The following SLC39A11 variants were observed in gnomAD, a reference collection of about 807,000 sequenced individuals.
SLC39A11 encodes the protein zinc transporter ZIP11.
In SLC39A11, 33 loss-of-function variants were observed where a neutral mutation model predicts 36.1. The ratio of observed to expected loss-of-function variants is 0.91; its 90% CI spans 0.69 to 1.22. The LOEUF (loss-of-function observed/expected upper bound fraction) is 1.22, where lower values mean the gene tolerates loss of function less well. SLC39A11 is among the 50% of genes most tolerant of loss of function. The pLI is 0.00. For missense variants in SLC39A11, 432 were observed against 430.3 expected (o/e 1.00, Z -0.03); for synonymous variants, 166 against 170.3 (o/e 0.97, Z 0.20).
chr17:72,662,661 G>GA (rs1419763108), intron 7 of SLC39A11, among the ~76,000 whole-genome samples: 1 of 89,816 alleles, frequency 1.1e-5, no homozygotes, highest in Non-Finnish European at 2.2e-5. Context: ...AAAAAGAAAA[G>GA]AAAAAGGAAG....
intron 6 of SLC39A11, among the ~76,000 whole-genome samples, chr17:72,757,971 C>T (rs1467104766): frequency 6.6e-6 from 1 of 152,072 alleles, no homozygotes; most frequent in East Asian, 1.9e-4. Flanking sequence ...CTGCAACCTC[C>T]ACCTCCTGGG....
chr17:72,820,272 T>A (rs936115217), intron 6 of SLC39A11, among the ~76,000 whole-genome samples: 10 of 151,218 alleles, frequency 6.6e-5, no homozygotes, highest in African/African-American at 2.4e-4. Context: ...GAAACTGTCT[T>A]CCAAATAACT....
chr17:72,834,024 C>G (rs1279386915), intron 6 of SLC39A11, among the ~76,000 whole-genome samples: 2 of 152,218 alleles, frequency 1.3e-5, no homozygotes, highest in Non-Finnish European at 2.9e-5. Flanking sequence ...CTCTCTTACA[C>G]TGTCTTCCAG....
chr17:73,081,603 A>C (rs2060510054), intron 3 of SLC39A11, among the ~76,000 whole-genome samples: 1 of 146,078 alleles, frequency 6.8e-6, no homozygotes, highest in African/African-American at 2.5e-5. Flanking sequence ...GTGGATAAAG[A>C]AAATGTGATA....
chr17:73,001,807 G>A (rs191303007), intron 4 of SLC39A11, among the ~76,000 whole-genome samples: 38 of 152,258 alleles, frequency 2.5e-4, no homozygotes, highest in Non-Finnish European at 4.3e-4. Context: ...ACTACTCAGA[G>A]CCCACAGGTC....
At chr17:72,930,471 A>G (rs1460594386) in intron 5 of SLC39A11, among the ~76,000 whole-genome samples, 1 of 152,238 alleles carries the variant, frequency 6.6e-6, no homozygotes, top group East Asian at 1.9e-4. Context: ...AGCAAAGGGA[A>G]GAGCAGCACC....
At chr17:72,747,079 G>T (rs183274770) in intron 6 of SLC39A11, among the ~76,000 whole-genome samples, 2 of 152,280 alleles carry the variant, frequency 1.3e-5, no homozygotes, top group Admixed American at 1.3e-4. Context: ...AACAAAACAT[G>T]TTGAAACATC....
At chr17:72,882,714 G>A (rs2081255662) in intron 5 of SLC39A11, among the ~76,000 whole-genome samples, 1 of 151,894 alleles carries the variant, frequency 6.6e-6, no homozygotes, top group South Asian at 2.1e-4. Flanking sequence ...GGCAAGGAAA[G>A]TAACACCTGA....
intron 6 of SLC39A11, among the ~76,000 whole-genome samples, chr17:72,757,552 G>T (rs971768909): frequency 6.8e-6 from 1 of 146,858 alleles, no homozygotes; most frequent in South Asian, 2.2e-4. Flanking sequence ...GTCTCCCAGG[G>T]CAATGAAACC....
intron 1 of SLC39A11, among the ~76,000 whole-genome samples, chr17:73,090,446 T>C (rs1389180668): frequency 1.3e-5 from 2 of 152,198 alleles, no homozygotes; most frequent in Non-Finnish European, 1.5e-5. Flanking sequence ...ACATCCGTCA[T>C]CTTGCTAAGC....
intron 5 of SLC39A11, among the ~76,000 whole-genome samples, chr17:72,920,652 A>C: frequency 9.7e-6 from 1 of 102,818 alleles, no homozygotes; most frequent in Non-Finnish European, 1.8e-5. Flanking sequence ...CCCTTACACC[A>C]TGTACACCCT....
At chr17:72,778,282 G>T (rs982579735) in intron 6 of SLC39A11, among the ~76,000 whole-genome samples, 1 of 152,128 alleles carries the variant, frequency 6.6e-6, no homozygotes, top group African/African-American at 2.4e-5. Flanking sequence ...GCTCAGCTCC[G>T]CAGAGGCAGC....
chr17:72,929,897 G>A (rs2084277952), intron 5 of SLC39A11, among the ~76,000 whole-genome samples: 1 of 152,218 alleles, frequency 6.6e-6, no homozygotes. Context: ...TCCAGGGAAA[G>A]ACAATGTGTT....
intron 7 of SLC39A11, among the ~76,000 whole-genome samples, chr17:72,724,743 G>T (rs190776464): frequency 3.3e-5 from 5 of 152,086 alleles, no homozygotes; most frequent in African/African-American, 1.2e-4. Context: ...TCATGGAAAG[G>T]GTGGTATCTA....
intron 4 of SLC39A11, among the ~76,000 whole-genome samples, chr17:72,953,254 G>T (rs2085997007): frequency 6.6e-6 from 1 of 151,970 alleles, no homozygotes; most frequent in Admixed American, 6.6e-5. Flanking sequence ...AATAAACAGA[G>T]CAACTTCCAC....
At chr17:72,743,771 A>T (rs1434254876) in intron 6 of SLC39A11, among the ~76,000 whole-genome samples, 1 of 152,206 alleles carries the variant, frequency 6.6e-6, no homozygotes, top group Non-Finnish European at 1.5e-5. Flanking sequence ...AGGAGGAAAA[A>T]TGCTGACTGA....
At chr17:73,003,542 G>A (rs2089950037) in intron 4 of SLC39A11, among the ~76,000 whole-genome samples, 1 of 152,106 alleles carries the variant, frequency 6.6e-6, no homozygotes, top group African/African-American at 2.4e-5. Flanking sequence ...GTTTCAGAGA[G>A]CAGGCAGACA....
At chr17:72,748,954 C>A (rs545557546) in intron 6 of SLC39A11, among the ~76,000 whole-genome samples, 1 of 152,200 alleles carries the variant, frequency 6.6e-6, no homozygotes, top group African/African-American at 2.4e-5. Context: ...GTCTACCCTC[C>A]GGGCCTCTTT....
At chr17:72,772,840 T>A (rs1009477918) in intron 6 of SLC39A11, among the ~76,000 whole-genome samples, 2 of 152,090 alleles carry the variant, frequency 1.3e-5, no homozygotes, top group Admixed American at 6.5e-5. Flanking sequence ...TCCCAGCACT[T>A]TGGGAGGCCA....
Sources: allele counts gnomAD v4.1 joint callset (sites outside exome capture counted in the v4.1 genomes callset), GRCh38; gene constraint gnomAD v4.1.1; transcripts MANE v1.5; gene names NCBI Gene and HGNC (gene_info 2026-07-23, HGNC 2026-07-21).